CNTN6: variants seen among roughly 807,000 people sequenced by gnomAD.
CNTN6 encodes the protein contactin 6, also known as contactin-6.
CNTN6 carries 137 observed loss-of-function variants against 122.8 expected under a neutral mutation model. The observed-to-expected ratio is 1.12, with a 90% CI of 0.97 to 1.29. The LOEUF (loss-of-function observed/expected upper bound fraction) is 1.29. Among genes scored for constraint, CNTN6 ranks in the 50% most tolerant of loss-of-function variants. The pLI, the probability that CNTN6 is intolerant of heterozygous loss-of-function variation, is 0.00. For missense variants in CNTN6, 1,634 were observed against 1,223.4 expected (o/e 1.34, Z -5.01); for synonymous variants, 570 against 426.0 (o/e 1.34, Z -4.16).
rs369934497 is a variant in CNTN6, at chr3:1,241,440, C to T, written c.358+13447C>T. Among the ~76,000 whole-genome samples the T allele has an allele frequency of 6.6e-5, 10 of 151,360 alleles. No individual in the cohort carries two copies. The South Asian group carries it at 1.0e-3, about 16-fold the overall frequency. ...TCTTGTGGTGAGGGGTGATATTGTGCGGATGTTAGAAGAAACATTTGTCGT... is the reference window on the plus strand; with the variant it reads ...TCTTGTGGTGAGGGGTGATATTGTGTGGATGTTAGAAGAAACATTTGTCGT... On this transcript the variant is annotated intron_variant, in intron 4 of 22. Transcript: ENST00000446702.
intron 1 of CNTN6, among the ~76,000 whole-genome samples, chr3:1,146,536 A>T (rs1434056331): frequency 6.6e-6 from 1 of 151,626 alleles, no homozygotes; most frequent in East Asian, 1.9e-4. Flanking sequence ...TATAAATCTC[A>T]TACATATTAC....
chr3:1,387,156 C>T (rs980207505), intron 20 of CNTN6, among the ~76,000 whole-genome samples: 1 of 151,250 alleles, frequency 6.6e-6, no homozygotes, highest in Non-Finnish European at 1.5e-5. Flanking sequence ...TCCCAAATTA[C>T]CCATGAAGCA....
intron 1 of CNTN6, among the ~76,000 whole-genome samples, chr3:1,122,354 G>A (rs1349423036): frequency 1.7e-5 from 2 of 120,466 alleles, no homozygotes; most frequent in African/African-American, 3.8e-5. Flanking sequence ...GAGGGAAGGA[G>A]GGAAGGAGGA....
intron 20 of CNTN6, among the ~76,000 whole-genome samples, chr3:1,386,820 C>CTAATTAAT (rs3884447): frequency 6.6e-6 from 1 of 151,902 alleles, no homozygotes; most frequent in East Asian, 1.9e-4. Flanking sequence ...ATGCCGTAGT[C>CTAATTAAT]TAATTACACC....
intron 4 of CNTN6, among the ~76,000 whole-genome samples, chr3:1,254,998 C>A (rs1040360590): frequency 2.0e-5 from 3 of 152,054 alleles, no homozygotes; most frequent in African/African-American, 4.8e-5. Context: ...TAATTCATTA[C>A]GTATTGTTGG....
chr3:1,105,118 A>G (rs1051645545), intron 1 of CNTN6, among the ~76,000 whole-genome samples: 3 of 152,156 alleles, frequency 2.0e-5, no homozygotes, highest in Non-Finnish European at 4.4e-5. Flanking sequence ...TTAGGAAGAC[A>G]ACTCCCTCTG....
chr3:1,328,883 T>C (rs1003421903), intron 10 of CNTN6, among the ~76,000 whole-genome samples: 3 of 151,686 alleles, frequency 2.0e-5, no homozygotes, highest in African/African-American at 7.3e-5. Flanking sequence ...TAATTTCTTG[T>C]CCTTCTGAAC....
chr3:1,150,669 T>G (rs961240364), intron 2 of CNTN6, among the ~76,000 whole-genome samples: 6 of 152,214 alleles, frequency 3.9e-5, no homozygotes, highest in Admixed American at 3.9e-4. Flanking sequence ...AATTATATAC[T>G]TTTTAACTGT....
At chr3:1,378,565 T>C (rs1008784501) in intron 17 of CNTN6, among the ~76,000 whole-genome samples, 1 of 152,082 alleles carries the variant, frequency 6.6e-6, no homozygotes, top group African/African-American at 2.4e-5. Flanking sequence ...GAATGGAAGG[T>C]AGTGTTTTCA....
intron 20 of CNTN6, among the ~76,000 whole-genome samples, chr3:1,388,072 G>A (rs925669611): frequency 2.3e-4 from 35 of 152,164 alleles, no homozygotes; most frequent in African/African-American, 7.5e-4. Context: ...AGCTCAAGGA[G>A]GCCTGCCTGC....
intron 4 of CNTN6, among the ~76,000 whole-genome samples, chr3:1,235,868 G>T (rs1450455424): frequency 6.6e-6 from 1 of 151,978 alleles, no homozygotes; most frequent in African/African-American, 2.4e-5. Context: ...CTGGGGGCGG[G>T]TGGGGCATGG....
At chr3:1,149,314 T>G (rs2092789178) in intron 2 of CNTN6, among the ~76,000 whole-genome samples, 1 of 152,200 alleles carries the variant, frequency 6.6e-6, no homozygotes, top group Non-Finnish European at 1.5e-5. Flanking sequence ...CATACCATGC[T>G]TCTTCCCCCC....
At chr3:1,112,954 T>C (rs1229154091) in intron 1 of CNTN6, among the ~76,000 whole-genome samples, 1 of 152,154 alleles carries the variant, frequency 6.6e-6, no homozygotes, top group Non-Finnish European at 1.5e-5. Context: ...ATGCTATTTA[T>C]AGAATAATGA....
Position 1,295,686 on chromosome 3 carries a change from C to G in CNTN6, c.540C>G (p.Asn180Lys). 2 of 1,614,038 alleles carry G rather than the reference C, an allele frequency of 1.2e-6. No homozygotes were observed. Among genetic ancestry groups the G allele is most frequent in the Non-Finnish European group, 1.7e-6 (2 of 1,179,930 alleles). The change falls in exon 6 of 23, where the codon AAC (asparagine) becomes AAG (lysine). Residue 180 changes from asparagine to lysine, a missense_variant. Asn to Lys is a moderately conservative substitution (Grantham distance 94). Transcript: ENST00000446702. Reference protein sequence around the residue: ...NRRFVSQETGNLYIAKVEPSD... With the variant: ...NRRFVSQETGKLYIAKVEPSD... ...GATTTGTATCTCAAGAGACGGGAAA[C>G]TTGTACATTGCCAAAGTGGAACCAT...
chr3:1,220,554 A>G, intron 2 of CNTN6, 133 bp from the exon 3 acceptor site: 1 of 811,826 alleles, frequency 1.2e-6, no homozygotes, highest in South Asian at 3.9e-5. Context: ...TTTTTGTAAT[A>G]CTTTTTGTGA....
At chr3:1,345,264 G>A (rs898502630) in intron 11 of CNTN6, among the ~76,000 whole-genome samples, 7 of 151,710 alleles carry the variant, frequency 4.6e-5, no homozygotes, top group African/African-American at 1.5e-4. Flanking sequence ...TTACAGGCAC[G>A]AACCACCATA....
intron 1 of CNTN6, among the ~76,000 whole-genome samples, chr3:1,112,420 G>T (rs1253126814): frequency 6.6e-6 from 1 of 152,146 alleles, no homozygotes; most frequent in Non-Finnish European, 1.5e-5. Flanking sequence ...CCAAACCAGG[G>T]AAGCCCATGG....
At chr3:1,303,017 T>A (rs1312095869) in intron 7 of CNTN6, among the ~76,000 whole-genome samples, 1 of 152,138 alleles carries the variant, frequency 6.6e-6, no homozygotes, top group East Asian at 1.9e-4. Flanking sequence ...CTTCCCCCCT[T>A]AGCTATGTTC....
At chr3:1,304,353 G>C (rs1463506102) in intron 7 of CNTN6, among the ~76,000 whole-genome samples, 1 of 151,922 alleles carries the variant, frequency 6.6e-6, no homozygotes, top group Non-Finnish European at 1.5e-5. Flanking sequence ...GGTAAATACA[G>C]TGAGGCTTAG....
Sources: allele counts gnomAD v4.1 joint callset (sites outside exome capture counted in the v4.1 genomes callset), GRCh38; gene constraint gnomAD v4.1.1; transcripts MANE v1.5; gene names NCBI Gene and HGNC (gene_info 2026-07-23, HGNC 2026-07-21).